Variants in TTC14 observed in about 807,000 individuals in gnomAD.
TTC14 encodes tetratricopeptide repeat protein 14.
In TTC14, 63 loss-of-function variants were observed where a neutral mutation model predicts 79.9. That is an observed-to-expected ratio of 0.79 (90% CI 0.64 to 0.97). The LOEUF is 0.97. Ranked by LOEUF, TTC14 falls within the 50% of genes least tolerant of loss-of-function variation. The pLI, the probability that TTC14 is intolerant of heterozygous loss-of-function variation, is 0.00. For synonymous variants in TTC14, 335 were observed against 309.6 expected (o/e 1.08, Z -0.86); for missense variants, 895 against 894.0 (o/e 1.00, Z -0.01).
intron 12 of TTC14, chr3:180,616,988 G>T (rs766044731): frequency 2.1e-5 from 25 of 1,163,372 alleles, no homozygotes; most frequent in East Asian, 1.1e-4. Context: ...ATATTAACAT[G>T]TATTTTTTAG....
At chr3:180,606,657 A>T in intron 9 of TTC14, 54 bp downstream of exon 9, 1 of 1,550,132 alleles carries the variant, frequency 6.5e-7, no homozygotes, top group Non-Finnish European at 8.7e-7. Flanking sequence ...CCAACCACTA[A>T]AAAATTTTGA....
downstream of TTC14, among the ~76,000 whole-genome samples, chr3:180,612,973 G>C (rs748700595): frequency 6.6e-6 from 1 of 152,104 alleles, no homozygotes; most frequent in Non-Finnish European, 1.5e-5. Context: ...GCCAAGAAGC[G>C]TATGAAATAA....
At position 180,605,908 on chromosome 3, in the gene TTC14, T is replaced by C. The variant is rs1716656630; in HGVS notation, c.929+71T>C. On this transcript the variant is annotated intron_variant, in intron 7 of 11. Coordinates refer to ENST00000296015, the MANE Select transcript of TTC14 (RefSeq NM_133462.4). ...GCTTAGGGCAAGGCAAGCATGCTTA[T>C]ATCATCAATAAGACAAATTTGAGAT... is the stretch of plus-strand genomic sequence containing the variant. The C allele has an allele frequency of 2.1e-6, 3 of 1,448,832 alleles. No homozygotes were observed. In the African/African-American group the frequency reaches 4.3e-5, roughly 21 times the overall value. 89.7% of individuals were successfully genotyped at this position (1,448,832 alleles called of 1,614,324 possible). A position where few individuals can be genotyped will look rare whatever the true frequency, so the allele number is the denominator to read the frequency against.
intron 1 of TTC14, 138 bp downstream of exon 1, chr3:180,602,560 G>A: frequency 1.6e-6 from 2 of 1,221,868 alleles, no homozygotes; most frequent in East Asian, 2.5e-5. Flanking sequence ...GGTGTCTTGG[G>A]CTGGGTGGAC....
At chr3:180,618,310 TAAAAC>T (rs915011322), downstream of TTC14, among the ~76,000 whole-genome samples, 4 of 152,092 alleles carry the variant, frequency 2.6e-5, no homozygotes, top group African/African-American at 4.8e-5. Flanking sequence ...TTGGAAAAAA[TAAAAC>T]AATGACAATT....
At chr3:180,605,707 G>A in intron 6 of TTC14, 59 bp from the exon 7 acceptor site, 4 of 1,294,230 alleles carry the variant, frequency 3.1e-6, no homozygotes, top group Non-Finnish European at 4.3e-6. Context: ...GCAGAGTTAA[G>A]TATAGTTACT....
At chr3:180,606,212 T>C (rs1451356748) in intron 7 of TTC14, 41 bp from the exon 8 acceptor site, 4 of 1,603,958 alleles carry the variant, frequency 2.5e-6, no homozygotes, top group African/African-American at 1.3e-5. Flanking sequence ...ATTTAGATAT[T>C]GTTTGAAGTG....
intron 12 of TTC14, chr3:180,616,928 T>C: frequency 6.7e-7 from 1 of 1,501,760 alleles, no homozygotes; most frequent in Non-Finnish European, 9.2e-7. Flanking sequence ...TAACATTATT[T>C]GCCAAATGTT....
chr3:180,608,247 C>A (rs1716801156), intron 10 of TTC14: 3 of 988,948 alleles, frequency 3.0e-6, no homozygotes, highest in Non-Finnish European at 3.6e-6. Flanking sequence ...ATGCATCCAA[C>A]TGGGCTGTGC....
chr3:180,609,370 T>TAA (rs1716863376), intron 11 of TTC14: 1 of 1,150,384 alleles, frequency 8.7e-7, no homozygotes. Flanking sequence ...TCAGTAGTCT[T>TAA]AAGTTTTTAA....
At chr3:180,617,412 A>G in exon 13 of TTC14, 1 of 662,868 alleles carries the variant, frequency 1.5e-6, no homozygotes, top group Non-Finnish European at 2.7e-6. Context: ...GTTAACTATA[A>G]AACAGCCTCA....
At position 180,604,460 on chromosome 3, in the gene TTC14, C is replaced by CTTTT. The variant is rs59520418; in HGVS notation, c.572-10_572-7dup. The CTTTT allele has an allele frequency of 2.3e-6, 3 of 1,309,594 alleles. No individual in the cohort carries two copies. The highest frequency in any genetic ancestry group is 1.4e-5 in the South Asian group (1 of 69,340). 81.1% of individuals were successfully genotyped at this position (1,309,594 alleles called of 1,614,324 possible). A position where few individuals can be genotyped will look rare whatever the true frequency, so the allele number is the denominator to read the frequency against. ...TTTTCTTACTAATCAGCTTAGTTCT[C>CTTTT]TTTTTTTTTTTCTTAAGCTGGAATC... On this transcript the variant is annotated splice_polypyrimidine_tract_variant and intron_variant, in intron 4 of 11. Coordinates refer to ENST00000296015, the MANE Select transcript of TTC14 (RefSeq NM_133462.4).
At chr3:180,617,562 G>A (rs987585307) in exon 13 of TTC14, 7 of 589,320 alleles carry the variant, frequency 1.2e-5, no homozygotes, top group East Asian at 2.9e-5. Context: ...TCCTGACCAC[G>A]GGTAGGCTTA....
At chr3:180,607,376 T>G (rs893359271) in intron 9 of TTC14, among the ~76,000 whole-genome samples, 1 of 152,168 alleles carries the variant, frequency 6.6e-6, no homozygotes, top group African/African-American at 2.4e-5. Flanking sequence ...TCATACTAAA[T>G]TTGTGGACAC....
intron 3 of TTC14, chr3:180,603,870 T>C (rs1400625325): frequency 3.6e-6 from 1 of 274,110 alleles, no homozygotes; most frequent in African/African-American, 2.3e-5. Flanking sequence ...GTATTACAGA[T>C]TGGATAACAG....
intron 11 of TTC14, 118 bp downstream of exon 11, chr3:180,608,928 C>T: frequency 2.4e-6 from 3 of 1,245,640 alleles, no homozygotes; most frequent in Non-Finnish European, 3.0e-6. Flanking sequence ...CAATCAGTGA[C>T]TGTTAAGAAT....
At chr3:180,613,700 T>C, downstream of TTC14, 1 of 356,094 alleles carries the variant, frequency 2.8e-6, no homozygotes, top group Non-Finnish European at 5.5e-6. Context: ...ATTCCCAAAC[T>C]AGCACAGGGC....
At position 180,602,396 on chromosome 3, in the gene TTC14, G is replaced by C; in HGVS notation, c.135G>C (p.Pro45=). The C allele has an allele frequency of 1.2e-6, 2 of 1,608,050 alleles. No individual in the cohort carries two copies. The highest frequency in any genetic ancestry group is 8.5e-7 in the Non-Finnish European group (1 of 1,179,192). Reference sequence around the variant, plus strand: ...CGGCCGCCGAGCCAGCCCGGGGCCCGCCGCCCCAGCACCCGTTGCAGGGCA... The same window carrying C: ...CGGCCGCCGAGCCAGCCCGGGGCCCCCCGCCCCAGCACCCGTTGCAGGGCA... ...LGSAAEPARG[P]PPQHPLQGRK... The change falls in exon 1 of 12, where the codon CCG becomes CCC. Residue 45 remains proline (P), a synonymous_variant. Transcript: ENST00000296015.
rs552297813 is a variant in TTC14, at chr3:180,602,364, C to T, written c.103C>T (p.Leu35=). The part of the protein sequence containing the change: ...QQDNPHFRSL[L]GSAAEPARGP... ...GGACAATCCACACTTCCGTAGCCTC[C>T]TGGGGTCGGCCGCCGAGCCAGCCCG... The change falls in exon 1 of 12, where the codon CTG becomes TTG. Residue 35 remains leucine, a synonymous_variant. Transcript: ENST00000296015. The T allele has an allele frequency of 1.9e-6, 3 of 1,611,944 alleles. No homozygotes were observed. Among genetic ancestry groups the T allele is most frequent in the African/African-American group, 1.3e-5 (1 of 75,028 alleles).
Sources: gnomAD v4.1 joint callset for allele counts (sites outside exome capture counted in the v4.1 genomes callset) on GRCh38, gnomAD v4.1.1 for gene constraint, MANE v1.5 for transcripts, NCBI Gene and HGNC (gene_info 2026-07-23, HGNC 2026-07-21) for gene names.